The following KCNH8 variants were observed in gnomAD, a reference collection of about 807,000 sequenced individuals.
The protein encoded by KCNH8 is potassium voltage-gated channel subfamily H member 8.
KCNH8 carries 70 observed loss-of-function variants against 103.6 expected under a neutral mutation model. The observed-to-expected ratio is 0.68, with a 90% CI of 0.56 to 0.82. KCNH8 has a LOEUF of 0.82. KCNH8 is among the 40% of genes least tolerant of loss of function. The probability of loss-of-function intolerance (pLI) is 0.00; values close to 1 mark genes in which losing one functional copy is unlikely to be tolerated. For synonymous variants in KCNH8, 498 were observed against 489.4 expected, an observed-to-expected ratio of 1.02 and a Z score of -0.23; for missense variants, 1,217 against 1,329.9, an observed-to-expected ratio of 0.92 and a Z score of 1.32.
intron 3 of KCNH8, among the ~76,000 whole-genome samples, chr3:19,328,767 T>A (rs991813625): frequency 6.6e-6 from 1 of 152,172 alleles, no homozygotes; most frequent in African/African-American, 2.4e-5. Flanking sequence ...TAAAAGAAAC[T>A]CCTAACCGAT....
At chr3:19,210,106 A>T (rs1392817278) in intron 1 of KCNH8, among the ~76,000 whole-genome samples, 1 of 152,076 alleles carries the variant, frequency 6.6e-6, no homozygotes, top group African/African-American at 2.4e-5. Context: ...ATCTCTTCCC[A>T]TTCTAATAAA....
At chr3:19,332,041 T>G (rs1231207875) in intron 3 of KCNH8, among the ~76,000 whole-genome samples, 2 of 149,666 alleles carry the variant, frequency 1.3e-5, no homozygotes. Context: ...CACCTATTTT[T>G]GCATTACGTT....
chr3:19,462,950 G>A (rs2067663111), intron 11 of KCNH8, among the ~76,000 whole-genome samples: 2 of 152,258 alleles, frequency 1.3e-5, no homozygotes, highest in Admixed American at 1.3e-4. Flanking sequence ...AAAGATAGAT[G>A]TGTGAGATTC....
At chr3:19,494,106 CGTGT>C (rs1350655363) in intron 11 of KCNH8, among the ~76,000 whole-genome samples, 1 of 152,130 alleles carries the variant, frequency 6.6e-6, no homozygotes, top group African/African-American at 2.4e-5. Context: ...ATTTTCTGTT[CGTGT>C]GTTAGTTTGC....
intron 11 of KCNH8, among the ~76,000 whole-genome samples, chr3:19,474,631 TC>T (rs1575110593): frequency 6.6e-6 from 1 of 152,192 alleles, no homozygotes; most frequent in East Asian, 1.9e-4. Context: ...GGGTTTGGTT[TC>T]CAGGTCATTG....
At chr3:19,471,949 T>C (rs2067865857) in intron 11 of KCNH8, among the ~76,000 whole-genome samples, 1 of 152,152 alleles carries the variant, frequency 6.6e-6, no homozygotes, top group Non-Finnish European at 1.5e-5. Flanking sequence ...TTTTTGATAA[T>C]TTATTAAGCT....
intron 5 of KCNH8, among the ~76,000 whole-genome samples, chr3:19,357,322 T>G (rs1310747425): frequency 6.6e-6 from 1 of 151,906 alleles, no homozygotes; most frequent in East Asian, 1.9e-4. Flanking sequence ...AGCTGTCTTG[T>G]TATCATTCAG....
chr3:19,248,223 A>G (rs2064231086), intron 1 of KCNH8, among the ~76,000 whole-genome samples: 1 of 152,170 alleles, frequency 6.6e-6, no homozygotes, highest in Non-Finnish European at 1.5e-5. Context: ...GTAGAAGGAT[A>G]TTTCAGTGGG....
At chr3:19,222,292 TC>T (rs2125232351) in intron 1 of KCNH8, among the ~76,000 whole-genome samples, 1 of 152,332 alleles carries the variant, frequency 6.6e-6, no homozygotes, top group Admixed American at 6.5e-5. Flanking sequence ...ATATTTTTTT[TC>T]CTAATTATTT....
rs2069237298 is a variant in KCNH8 at position 19,534,681 on chromosome 3, G to A, written c.*582G>A. The A allele has an allele frequency of 6.6e-6, 1 of 152,280 alleles. No individual in the cohort carries two copies. The highest frequency in any genetic ancestry group is 2.4e-5 in the African/African-American group (1 of 41,284). 9.4% of individuals were successfully genotyped at this position (152,280 alleles called of 1,614,324 possible). ...TCTTTATTTATCAAAAAAACACAGA[G>A]GCTATTTTTATATCCTTGGTATGAA... On this transcript the variant is annotated 3_prime_UTR_variant, in exon 16 of 16. Transcript: ENST00000328405.
chr3:19,220,508 A>T (rs1030148225), intron 1 of KCNH8, among the ~76,000 whole-genome samples: 1 of 152,156 alleles, frequency 6.6e-6, no homozygotes, highest in African/African-American at 2.4e-5. Context: ...CCAGGTGGTG[A>T]AACCTGTCAA....
chr3:19,533,513 C>A lies in KCNH8; in HGVS notation c.2738C>A (p.Thr913Asn). The change falls in exon 16 of 16, where the codon ACC becomes AAC. Residue 913 changes from threonine (T) to asparagine (N), a missense_variant. Thr to Asn is a moderately conservative substitution (Grantham distance 65). Around this residue, in one of 3 missense-constraint regions of KCNH8, gnomAD observed 558 missense variants for 495.8 expected, o/e 1.13. Coordinates refer to ENST00000328405, the MANE Select transcript of KCNH8 (RefSeq NM_144633.3). ...QPSRFCSLHS[T>N]SVCPSRESLQ... ...TCACGGTTTTGCTCTTTGCACAGCA[C>A]CTCTGTGTGTCCCTCCAGGGAGAGC... The A allele has an allele frequency of 6.2e-7, 1 of 1,614,178 alleles. No homozygotes were observed. Among genetic ancestry groups the A allele is most frequent in the Non-Finnish European group, 8.5e-7 (1 of 1,180,022 alleles).
At chr3:19,219,435 T>C (rs1575445432) in intron 1 of KCNH8, among the ~76,000 whole-genome samples, 1 of 152,194 alleles carries the variant, frequency 6.6e-6, no homozygotes, top group East Asian at 1.9e-4. Flanking sequence ...CTTTTTTTAT[T>C]CTGTTGTAAT....
chr3:19,214,863 A>T (rs756474507), intron 1 of KCNH8, among the ~76,000 whole-genome samples: 1 of 152,214 alleles, frequency 6.6e-6, no homozygotes, highest in Non-Finnish European at 1.5e-5. Context: ...CACCTTCAAC[A>T]TGTTCTCCCT....
At chr3:19,199,576 T>C (rs1361655030) in intron 1 of KCNH8, among the ~76,000 whole-genome samples, 1 of 149,488 alleles carries the variant, frequency 6.7e-6, no homozygotes, top group Non-Finnish European at 1.5e-5. Context: ...TTAAATTTTA[T>C]ATAAATAAAA....
chr3:19,397,006 C>T (rs895183048), intron 7 of KCNH8, among the ~76,000 whole-genome samples: 2 of 151,912 alleles, frequency 1.3e-5, no homozygotes, highest in Non-Finnish European at 2.9e-5. Flanking sequence ...TTAGCTTATT[C>T]ACACTCTCAA....
At chr3:19,391,847 G>T (rs1042332865) in intron 6 of KCNH8, 1 of 151,834 alleles carries the variant, frequency 6.6e-6, no homozygotes, top group Non-Finnish European at 1.5e-5. Context: ...CTAGATAAGT[G>T]TACCATCATG....
At chr3:19,433,543 A>G (rs1282009814) in intron 7 of KCNH8, among the ~76,000 whole-genome samples, 1 of 152,214 alleles carries the variant, frequency 6.6e-6, no homozygotes, top group African/African-American at 2.4e-5. Context: ...TAAAAAACTG[A>G]ATTCTATGAA....
chr3:19,349,301 G>T (rs889099677), intron 5 of KCNH8, among the ~76,000 whole-genome samples: 2 of 152,024 alleles, frequency 1.3e-5, no homozygotes, highest in Non-Finnish European at 2.9e-5. Flanking sequence ...ATGGTAGACA[G>T]ATTGGGTGTG....
Sources: gnomAD v4.1 joint callset for allele counts (sites outside exome capture counted in the v4.1 genomes callset) on GRCh38, gnomAD v4.1.1 for gene constraint, gnomAD v4.1.1 regional missense constraint, MANE v1.5 for transcripts, NCBI Gene and HGNC (gene_info 2026-07-23, HGNC 2026-07-21) for gene names.